Variants in DENND2A observed in about 807,000 individuals in gnomAD.
DENND2A encodes DENN domain containing 2A, also known as DENN domain-containing protein 2A.
DENND2A carries 53 observed loss-of-function variants against 105.3 expected under a neutral mutation model. The observed-to-expected ratio is 0.50, with a 90% CI of 0.40 to 0.63. The LOEUF is 0.63. Ranked by LOEUF, DENND2A falls within the 30% of genes least tolerant of loss-of-function variation. The pLI is 0.00. For missense variants in DENND2A, 1,138 were observed against 1,279.6 expected, an observed-to-expected ratio of 0.89 and a Z score of 1.69; for synonymous variants, 522 against 508.4, an observed-to-expected ratio of 1.03 and a Z score of -0.36.
In DENND2A at chr7:140,566,846, G is replaced by A. The variant is rs577608734; in HGVS notation, c.1779+240C>T. On this transcript the variant is annotated intron_variant, in intron 9 of 19. Coordinates refer to ENST00000496613, the MANE Select transcript of DENND2A (RefSeq NM_015689.5). The stretch of plus-strand genomic sequence containing the variant: ...CTGCAGGTGTGCGCCACCATGCATG[G>A]CTAATTTTTGTATTTGTCTGGCCAA... 7.2e-5 allele frequency among the ~76,000 whole-genome samples: 11 copies of A among 152,148 alleles called. No individual in the cohort carries two copies. The South Asian group carries it at 1.0e-3, about 14-fold the overall frequency.
intron 5 of DENND2A, among the ~76,000 whole-genome samples, chr7:140,580,793 C>T (rs1442590245): frequency 2.0e-5 from 3 of 151,890 alleles, no homozygotes; most frequent in Non-Finnish European, 4.4e-5. Context: ...AGTGCCACTA[C>T]ACCTGGCTAA....
intron 12 of DENND2A, among the ~76,000 whole-genome samples, chr7:140,550,281 C>G (rs1797074202): frequency 6.6e-6 from 1 of 151,312 alleles, no homozygotes; most frequent in South Asian, 2.1e-4. Flanking sequence ...CAACGTCTGC[C>G]TCTCAGGTTC....
At chr7:140,541,083 T>C (rs1796638580) in intron 14 of DENND2A, among the ~76,000 whole-genome samples, 1 of 152,200 alleles carries the variant, frequency 6.6e-6, no homozygotes, top group African/African-American at 2.4e-5. Flanking sequence ...CCTTTGGAGA[T>C]GTGTTTGTCT....
chr7:140,633,725 G>A (rs993272887), intron 1 of DENND2A, among the ~76,000 whole-genome samples: 6 of 152,102 alleles, frequency 3.9e-5, no homozygotes, highest in African/African-American at 1.4e-4. Flanking sequence ...TCAAGGTTAT[G>A]GAAACACGAA....
At chr7:140,593,823 C>G (rs764461680) in intron 3 of DENND2A, among the ~76,000 whole-genome samples, 1 of 152,202 alleles carries the variant, frequency 6.6e-6, no homozygotes, top group South Asian at 2.1e-4. Flanking sequence ...TTCTCCCCAT[C>G]GCCTCACCGC....
chr7:140,612,658 C>T (rs1384036377), intron 1 of DENND2A, among the ~76,000 whole-genome samples: 7 of 152,050 alleles, frequency 4.6e-5, no homozygotes, highest in African/African-American at 1.7e-4. Context: ...TGTACCACCA[C>T]ACCTGGCTAA....
chr7:140,590,612 C>T (rs371524922), intron 3 of DENND2A, among the ~76,000 whole-genome samples: 1 of 151,882 alleles, frequency 6.6e-6, no homozygotes, highest in East Asian at 2.0e-4. Flanking sequence ...TGCCTGTAAT[C>T]CCAGCACTTT....
At chr7:140,519,180 C>T (rs1393103850) in intron 19 of DENND2A, among the ~76,000 whole-genome samples, 1 of 152,186 alleles carries the variant, frequency 6.6e-6, no homozygotes, top group Admixed American at 6.5e-5. Flanking sequence ...CTGGGGCCTC[C>T]GTCCTCTTTT....
Position 140,521,999 on chromosome 7 carries a change from G to A in DENND2A, c.2767C>T (p.Arg923Cys), listed in dbSNP as rs759792604. ...TCCCGCTGCAGGGTTCTCTCCTCAC[G>A]CTCGCCCGACGTCAGGAACAAAGAG... ...HYSLFLTSGE[R>C]EERTLQREAF... Residue 923 changes from arginine (R) to cysteine (C), a missense_variant, in exon 18 of 20, where the codon CGT becomes TGT. Around this residue, in one of 2 missense-constraint regions of DENND2A, gnomAD observed 627 missense variants for 779.8 expected, o/e 0.80. Transcript: ENST00000496613. 55 of 1,614,084 alleles carry A rather than the reference G, an allele frequency of 3.4e-5. No individual in the cohort carries two copies. The highest frequency in any genetic ancestry group is 4.6e-5 in the Non-Finnish European group (54 of 1,180,056).
chr7:140,585,153 G>C (rs1055119201), intron 5 of DENND2A, among the ~76,000 whole-genome samples: 1 of 152,160 alleles, frequency 6.6e-6, no homozygotes, highest in African/African-American at 2.4e-5. Context: ...CGCCGTGATT[G>C]CACCACTGCA....
rs150402624 is a variant in DENND2A at position 140,618,022 on chromosome 7, G to A, written c.-247-12216C>T. ...AAATCATGCTTTTTACCATTCTCCA[G>A]AGGGTGAAAATAGAAGAAGTGCAAT... is the stretch of plus-strand genomic sequence containing the variant. On this transcript the variant is annotated intron_variant, in intron 1 of 19. Transcript: ENST00000496613. Among the ~76,000 whole-genome samples the A allele has an allele frequency of 2.8e-3, 421 of 152,286 alleles. 2 individuals are homozygous for A. Among genetic ancestry groups the A allele is most frequent in the African/African-American group, 9.7e-3 (401 of 41,550 alleles).
chr7:140,546,728 C>T (rs1796925151), intron 13 of DENND2A, 71 bp downstream of exon 13: 3 of 1,581,334 alleles, frequency 1.9e-6, no homozygotes, highest in Non-Finnish European at 2.6e-6. Flanking sequence ...AAGGCAGCCC[C>T]TCTGAGCACG....
At position 140,602,068 on chromosome 7, in the gene DENND2A, C is replaced by T; in HGVS notation, c.330G>A (p.Arg110=). The change falls in exon 3 of 20, where the codon AGG becomes AGA. Residue 110 remains arginine, a synonymous_variant. Transcript: ENST00000496613. ...RPGTESTEKE[R]NKGAVNVGGQ... ...CCCCGACGTTCACTGCTCCTTTATT[C>T]CTCTCCTTCTCTGTGCTCTCTGTTC... The T allele has an allele frequency of 6.2e-7, 1 of 1,614,174 alleles. No homozygotes were observed. Among genetic ancestry groups the T allele is most frequent in the Non-Finnish European group, 8.5e-7 (1 of 1,180,028 alleles).
At chr7:140,605,396 TA>T (rs557440193) in intron 2 of DENND2A, among the ~76,000 whole-genome samples, 68 of 152,232 alleles carry the variant, frequency 4.5e-4, no homozygotes, top group African/African-American at 1.6e-3. Context: ...GGCTCAAACA[TA>T]AGTAAAATAC....
chr7:140,560,753 G>A (rs1157569597), intron 9 of DENND2A, among the ~76,000 whole-genome samples: 3 of 151,984 alleles, frequency 2.0e-5, no homozygotes, highest in Admixed American at 6.6e-5. Flanking sequence ...CCAACATGGG[G>A]AGACCCCGTC....
At chr7:140,569,518 G>T in intron 7 of DENND2A, 127 bp downstream of exon 7, 1 of 742,252 alleles carries the variant, frequency 1.3e-6, no homozygotes, top group East Asian at 2.5e-5. Flanking sequence ...AAGACAGTGC[G>T]GGACATTTAC....
At chr7:140,566,449 A>T (rs2130590861) in intron 9 of DENND2A, among the ~76,000 whole-genome samples, 1 of 152,316 alleles carries the variant, frequency 6.6e-6, no homozygotes, top group Admixed American at 6.5e-5. Context: ...CCCTGCCTGT[A>T]ACAAAAGGAA....
intron 8 of DENND2A, among the ~76,000 whole-genome samples, chr7:140,568,221 T>C (rs1797954677): frequency 1.3e-5 from 2 of 152,204 alleles, no homozygotes; most frequent in African/African-American, 4.8e-5. Flanking sequence ...ATTACAGGCG[T>C]GAGCCACCAA....
At chr7:140,569,802 C>G in intron 6 of DENND2A, 64 bp from the exon 7 acceptor site, 1 of 1,077,796 alleles carries the variant, frequency 9.3e-7, no homozygotes, top group Non-Finnish European at 1.4e-6. Flanking sequence ...AGCTGGGCTT[C>G]CCTCACTGCC....
Sources: gnomAD v4.1 joint callset for allele counts (sites outside exome capture counted in the v4.1 genomes callset) on GRCh38, gnomAD v4.1.1 for gene constraint, gnomAD v4.1.1 regional missense constraint, MANE v1.5 for transcripts, NCBI Gene and HGNC (gene_info 2026-07-23, HGNC 2026-07-21) for gene names.